Variants in SALL3 observed in about 807,000 individuals in gnomAD.
The protein encoded by SALL3 is spalt like transcription factor 3, also known as sal-like protein 3.
In SALL3, 25 loss-of-function variants were observed where a neutral mutation model predicts 66.2. The observed-to-expected ratio is 0.38, with a 90% CI of 0.28 to 0.53. The LOEUF (loss-of-function observed/expected upper bound fraction) is 0.53, where lower values mean the gene tolerates loss of function less well. Among genes scored for constraint, SALL3 ranks in the 20% least tolerant of loss-of-function variants. The probability of loss-of-function intolerance (pLI) is 0.85; values close to 1 mark genes in which losing one functional copy is unlikely to be tolerated. For synonymous variants in SALL3, 1,152 were observed against 899.1 expected, an observed-to-expected ratio of 1.28 and a Z score of -5.03; for missense variants, 2,194 against 1,916.5, an observed-to-expected ratio of 1.14 and a Z score of -2.70.
chr18:78,988,754 G>A (rs9807364), intron 1 of SALL3, among the ~76,000 whole-genome samples: 2,815 of 152,264 alleles, frequency 0.018, 94 homozygotes, highest in African/African-American at 0.062. Flanking sequence ...GCTGGGGCAC[G>A]CGAGAACAAT....
In SALL3 at chr18:78,994,541, C is replaced by G. The variant is rs534654030; in HGVS notation, c.2550C>G (p.Ile850Met). 1 of 1,483,408 alleles carries G rather than the reference C, an allele frequency of 6.7e-7. No homozygotes were observed. The highest frequency in any genetic ancestry group is 9.1e-7 in the Non-Finnish European group (1 of 1,099,788). 91.9% of individuals were successfully genotyped at this position (1,483,408 alleles called of 1,614,324 possible). ...CCCTGGAGAACCAGATGAAGATGAT[C>G]GACTCGGTCATGAGCTGCCAGCAGC... is the stretch of plus-strand genomic sequence containing the variant. ...IAALENQMKM[I>M]DSVMSCQQLT... Residue 850 changes from isoleucine (I) to methionine (M), a missense_variant, in exon 2 of 3, where the codon ATC becomes ATG. Transcript: ENST00000537592.
intron 1 of SALL3, among the ~76,000 whole-genome samples, chr18:78,980,990 C>A (rs961881836): frequency 6.6e-6 from 1 of 152,208 alleles, no homozygotes; most frequent in Admixed American, 6.5e-5. Context: ...GGCCTGGCCC[C>A]TGCTCGCGGC....
At position 78,995,948 on chromosome 18, in the gene SALL3, G is replaced by A. The variant is rs140469451; in HGVS notation, c.3471+486G>A. ...CAGCCAGGTTAGGCATTCCTTAGGG[G>A]TGAGAATGCTCACTTTGCAACTTGG... On this transcript the variant is annotated intron_variant, in intron 2 of 2. Transcript: ENST00000537592. Among the ~76,000 whole-genome samples, 15 of 152,282 alleles carry A rather than the reference G, an allele frequency of 9.9e-5. No individual in the cohort carries two copies. The East Asian group carries it at 2.9e-3, about 29-fold the overall frequency.
At position 78,997,341 on chromosome 18, in the gene SALL3, G is replaced by C. The variant is rs757913132; in HGVS notation, c.*19G>C. ...CAACTAGCCAGTGACTCGCTCATCT[G>C]CCCTGCCCAGGCCCACGTTTTGAAG... On this transcript the variant is annotated 3_prime_UTR_variant, in exon 3 of 3. Coordinates refer to ENST00000537592, the MANE Select transcript of SALL3 (RefSeq NM_171999.4). 1.9e-6 allele frequency: 3 copies of C among 1,601,984 alleles called. No individual in the cohort carries two copies. In the African/African-American group the frequency reaches 4.0e-5, roughly 21 times the overall value.
chr18:78,985,395 A>G (rs946474192), intron 1 of SALL3, among the ~76,000 whole-genome samples: 3 of 152,212 alleles, frequency 2.0e-5, no homozygotes, highest in African/African-American at 7.2e-5. Flanking sequence ...TTAACCCTGC[A>G]GGTGCCGCGG....
At chr18:78,991,384 G>T (rs1003623200) in intron 1 of SALL3, among the ~76,000 whole-genome samples, 42 of 2,702 alleles carry the variant, frequency 0.016, no homozygotes, top group African/African-American at 0.026. Flanking sequence ...GTACAAGGGT[G>T]GGGGGGGGGG....
intron 1 of SALL3, among the ~76,000 whole-genome samples, chr18:78,981,471 GTC>G (rs1225649736): frequency 6.6e-6 from 1 of 152,176 alleles, no homozygotes; most frequent in Non-Finnish European, 1.5e-5. Flanking sequence ...GAATGAGACT[GTC>G]TGCGAAAAGG....
At position 78,983,858 on chromosome 18, in the gene SALL3, A is replaced by C. The variant is rs559679069; in HGVS notation, c.82+3502A>C. 4.6e-5 allele frequency among the ~76,000 whole-genome samples: 7 copies of C among 152,332 alleles called. No homozygotes were observed. The East Asian group carries it at 9.6e-4, about 21-fold the overall frequency. On this transcript the variant is annotated intron_variant, in intron 1 of 2. Transcript: ENST00000537592. ...GGTTGGGTGAGGGGAGAGGAAAAGA[A>C]GACTTTGCCAACATTTCTTTTAAAA... is the stretch of plus-strand genomic sequence containing the variant.
Position 78,995,250 on chromosome 18 carries a change from C to T in SALL3, c.3259C>T (p.Pro1087Ser). The T allele has an allele frequency of 6.3e-7, 1 of 1,598,958 alleles. No homozygotes were observed. The highest frequency in any genetic ancestry group is 8.5e-7 in the Non-Finnish European group (1 of 1,177,536). The part of the protein sequence containing the change: ...GPPLPAGVQV[P>S]AGPQTVMGPG... The stretch of plus-strand genomic sequence containing the variant: ...CCCGCTGCCCGCGGGCGTCCAGGTC[C>T]CCGCCGGGCCTCAGACAGTGATGGG... Residue 1087 changes from proline (P) to serine (S), a missense_variant, in exon 2 of 3, where the codon CCC becomes TCC. Pro to Ser is a moderately conservative substitution (Grantham distance 74). Coordinates refer to ENST00000537592, the MANE Select transcript of SALL3 (RefSeq NM_171999.4).
In SALL3 at chr18:78,997,381, C is replaced by T. The variant is rs377182282; in HGVS notation, c.*59C>T. The T allele has an allele frequency of 1.2e-5, 18 of 1,520,790 alleles. No homozygotes were observed. The Middle Eastern group carries it at 5.2e-4, about 44-fold the overall frequency. 94.2% of individuals were successfully genotyped at this position (1,520,790 alleles called of 1,614,324 possible). A position where few individuals can be genotyped will look rare whatever the true frequency, so the allele number is the denominator to read the frequency against. On this transcript the variant is annotated 3_prime_UTR_variant, in exon 3 of 3. Transcript: ENST00000537592. ...ACGTTTTGAAGTTGGAGCATCAGGCCTCCGACCTTTCTTGCCTCGGTTCTC... is the reference window on the plus strand; with the variant it reads ...ACGTTTTGAAGTTGGAGCATCAGGCTTCCGACCTTTCTTGCCTCGGTTCTC...
At chr18:78,996,835 A>G (rs1316229372) in intron 2 of SALL3, 56 bp from the exon 3 acceptor site, 13 of 1,510,262 alleles carry the variant, frequency 8.6e-6, no homozygotes, top group Non-Finnish European at 1.2e-5. Context: ...GAAGCGGAGC[A>G]GCTCTGCCTC....
rs1475555398 is a variant in SALL3, at chr18:78,993,990, C to T, written c.1999C>T (p.Leu667=). 2.5e-6 allele frequency: 4 copies of T among 1,612,142 alleles called. No individual in the cohort carries two copies. The highest frequency in any genetic ancestry group is 3.4e-6 in the Non-Finnish European group (4 of 1,179,662). The change falls in exon 2 of 3, where the codon CTG becomes TTG. Residue 667 remains leucine, a synonymous_variant. Coordinates refer to ENST00000537592, the MANE Select transcript of SALL3 (RefSeq NM_171999.4). ...GTCGGAAACCTCGAAGCTGCAGCAG[C>T]TGGTGGAGAACATCGACAAGAAGAT... ...QTSETSKLQQ[L]VENIDKKMTD... is the part of the protein sequence containing the mutation.
In SALL3 at chr18:78,992,117, G is replaced by C; in HGVS notation, c.126G>C (p.Glu42Asp). ...EGAEDADSGP[E>D]SRSGGEETSV... ...CGGAGGACGCAGACAGCGGGCCCGA[G>C]AGCCGCAGCGGGGGCGAGGAGACCA... The change falls in exon 2 of 3, where the codon GAG (glutamate) becomes GAC (aspartate). Residue 42 changes from glutamate (E) to aspartate (D), a missense_variant. Coordinates refer to ENST00000537592, the MANE Select transcript of SALL3 (RefSeq NM_171999.4). The C allele has an allele frequency of 6.3e-7, 1 of 1,594,334 alleles. No individual in the cohort carries two copies. Among genetic ancestry groups the C allele is most frequent in the East Asian group, 2.3e-5 (1 of 43,758 alleles).
intron 1 of SALL3, among the ~76,000 whole-genome samples, chr18:78,980,572 C>T (rs1249654647): frequency 6.6e-6 from 1 of 151,824 alleles, no homozygotes; most frequent in East Asian, 1.9e-4. Flanking sequence ...GCGAAGTAAA[C>T]TTGGCTCCTC....
chr18:78,986,553 G>C (rs913301066), intron 1 of SALL3, among the ~76,000 whole-genome samples: 1 of 152,198 alleles, frequency 6.6e-6, no homozygotes, highest in African/African-American at 2.4e-5. Context: ...CTATCATAAG[G>C]AGTTAAAAAG....
At position 78,980,200 on chromosome 18, in the gene SALL3, G is replaced by T; in HGVS notation, c.-75G>T. The stretch of plus-strand genomic sequence containing the variant: ...GCGCCCCGCGCCGCGCGCCCGCCAG[G>T]CCGCCCCGCGCCGTCCCCGCCGGCC... On this transcript the variant is annotated 5_prime_UTR_variant, in exon 1 of 3. Transcript: ENST00000537592. 1.4e-6 allele frequency: 1 copy of T among 692,712 alleles called. No homozygotes were observed. 42.9% of individuals were successfully genotyped at this position (692,712 alleles called of 1,614,324 possible).
chr18:78,994,681 C>CCT lies in SALL3; in HGVS notation c.2691_2692insTC (p.Glu898SerfsTer71), dbSNP rs766891283. 4 of 1,608,378 alleles carry CCT rather than the reference C, an allele frequency of 2.5e-6. No homozygotes were observed. The African/African-American group carries it at 5.3e-5, about 21-fold the overall frequency. On this transcript the variant is annotated frameshift_variant, in exon 2 of 3. Transcript: ENST00000537592. LOFTEE classifies it high-confidence loss of function. ...CGCAGCGCGGGCAGCCCCGCCCTGT[C>CCT]CGAGTCCTCGTCCTCGCAGGCCCTG...
rs1052230514 is a variant in SALL3 at position 78,980,009 on chromosome 18, C to G, written c.-266C>G. On this transcript the variant is annotated 5_prime_UTR_variant, in exon 1 of 3. Transcript: ENST00000537592. Reference sequence around the variant, plus strand: ...CCCGGTCCCGAGGCGCCGCGGCCCCCTCCTCGTCGGCGCGGCCGCTAATTG... The same window carrying G: ...CCCGGTCCCGAGGCGCCGCGGCCCCGTCCTCGTCGGCGCGGCCGCTAATTG... 8.9e-5 allele frequency among the ~76,000 whole-genome samples: 13 copies of G among 145,632 alleles called. No homozygotes were observed. The highest frequency in any genetic ancestry group is 7.5e-4 in the Admixed American group (11 of 14,728).
intron 1 of SALL3, among the ~76,000 whole-genome samples, chr18:78,990,343 C>T (rs182017335): frequency 9.8e-5 from 15 of 152,306 alleles, no homozygotes; most frequent in African/African-American, 3.6e-4. Flanking sequence ...CAAGCTCTAA[C>T]TTCTTTCCCC....
Sources: gnomAD v4.1 joint callset for allele counts (sites outside exome capture counted in the v4.1 genomes callset) on GRCh38, gnomAD v4.1.1 for gene constraint, MANE v1.5 for transcripts, NCBI Gene and HGNC (gene_info 2026-07-23, HGNC 2026-07-21) for gene names.